OTUD6B: variants seen among roughly 807,000 people sequenced by gnomAD.
The protein encoded by OTUD6B is OTU deubiquitinase 6B, also known as deubiquitinase OTUD6B.
OTUD6B carries 41 observed loss-of-function variants against 36.9 expected under a neutral mutation model. The observed-to-expected ratio is 1.11, with a 90% confidence interval of 0.87 to 1.44. The LOEUF (loss-of-function observed/expected upper bound fraction) is 1.44, where lower values mean the gene tolerates loss of function less well. Ranked by LOEUF, OTUD6B falls within the 40% of genes most tolerant of loss-of-function variation. The pLI, the probability that OTUD6B is intolerant of heterozygous loss-of-function variation, is 0.00. For missense variants in OTUD6B, 356 were observed against 344.8 expected (o/e 1.03, Z -0.26); for synonymous variants, 114 against 114.2 (o/e 1.00, Z 0.01).
At chr8:91,072,298 G>A (rs1262415691) in intron 2 of OTUD6B, among the ~76,000 whole-genome samples, 1 of 152,142 alleles carries the variant, frequency 6.6e-6, no homozygotes, top group African/African-American at 2.4e-5. Context: ...TCCAGGAGTC[G>A]TAACAGCTGT....
chr8:91,076,862 ATTAC>A (rs1812811797), intron 3 of OTUD6B: 2 of 647,906 alleles, frequency 3.1e-6, no homozygotes, highest in East Asian at 2.8e-5. Flanking sequence ...ATTTGTTCCT[ATTAC>A]TTATACAAAC....
intron 5 of OTUD6B, among the ~76,000 whole-genome samples, chr8:91,080,949 A>T (rs1812894166): frequency 6.6e-6 from 1 of 152,146 alleles, no homozygotes; most frequent in Admixed American, 6.6e-5. Context: ...ATTACATTTT[A>T]AATAGCTCAG....
chr8:91,080,701 A>G lies in OTUD6B; in HGVS notation c.661A>G (p.Asn221Asp). The change falls in exon 5 of 7, where the codon AAC (asparagine) becomes GAC (aspartate). Residue 221 changes from asparagine to aspartate, a missense_variant. Transcript: ENST00000404789. ...TCAGAAGTACTGTGAAGATATTGTA[A>G]ACACAGCTGCATGGGGAGGTCAGCT... ...EFQKYCEDIVNTAAWGGQLEL... is the reference protein window; with the variant it reads ...EFQKYCEDIVDTAAWGGQLEL... 6.2e-7 allele frequency: 1 copy of G among 1,604,504 alleles called. No individual in the cohort carries two copies. Among genetic ancestry groups the G allele is most frequent in the Non-Finnish European group, 8.5e-7 (1 of 1,174,846 alleles).
At chr8:91,084,225 A>T in intron 6 of OTUD6B, 111 bp downstream of exon 6, 1 of 641,984 alleles carries the variant, frequency 1.6e-6, no homozygotes, top group East Asian at 2.9e-5. Context: ...AATTTTTTAA[A>T]CCTCTAGCGA....
chr8:91,079,343 T>C (rs1812857639), intron 4 of OTUD6B: 1 of 152,076 alleles, frequency 6.6e-6, no homozygotes, highest in Non-Finnish European at 1.5e-5. Flanking sequence ...ACAAGTCATA[T>C]GGCCAGAATG....
chr8:91,079,033 C>G, intron 4 of OTUD6B: 1 of 157,928 alleles, frequency 6.3e-6, no homozygotes. Flanking sequence ...GAGAGAATGA[C>G]TAGGAAAACC....
intron 3 of OTUD6B, chr8:91,076,682 G>T: frequency 7.1e-7 from 1 of 1,399,282 alleles, no homozygotes; most frequent in Non-Finnish European, 9.8e-7. Context: ...TCTGCGTGCT[G>T]TTTCCTCAGA....
Position 91,084,900 on chromosome 8 carries a change from A to G in OTUD6B, c.*32A>G, listed in dbSNP as rs755666617. On this transcript the variant is annotated 3_prime_UTR_variant, in exon 7 of 7. Coordinates refer to ENST00000404789, the MANE Select transcript of OTUD6B (RefSeq NM_016023.5). ...CAATGTTGTACAATTATGTTTTAAT[A>G]CAGTGTGCTGAACTGAGTATTTCTA... 3 of 1,146,786 alleles carry G rather than the reference A, an allele frequency of 2.6e-6. No homozygotes were observed. In the South Asian group the frequency reaches 4.4e-5, roughly 17 times the overall value. The allele number at this position is 1,146,786 out of a possible 1,614,324, so 71.0% of individuals were successfully genotyped here.
rs1434624492 is a variant in OTUD6B, at chr8:91,073,923, A to G, written c.315+12A>G. On this transcript the variant is annotated intron_variant, in intron 3 of 6. Transcript: ENST00000404789. Reference sequence around the variant, plus strand: ...CACAAAAGAGACGGGTATGAAAGTCATGTCACCAAGTATATAAGTTAGTGC... The same window carrying G: ...CACAAAAGAGACGGGTATGAAAGTCGTGTCACCAAGTATATAAGTTAGTGC... 2 of 1,566,280 alleles carry G rather than the reference A, an allele frequency of 1.3e-6. No individual in the cohort carries two copies. Among genetic ancestry groups the G allele is most frequent in the Non-Finnish European group, 1.7e-6 (2 of 1,149,264 alleles).
intron 5 of OTUD6B, among the ~76,000 whole-genome samples, chr8:91,081,944 A>G (rs754156503): frequency 6.6e-6 from 1 of 152,206 alleles, no homozygotes. Context: ...GATCATTCAT[A>G]TGAGTATTAG....
In OTUD6B at chr8:91,081,194, A is replaced by G. The variant is rs150741186; in HGVS notation, c.690+464A>G. The stretch of plus-strand genomic sequence containing the variant: ...TAGGCCAAATCCTACCACAACATAT[A>G]TATTAAAATCGTATTTTGAATTCCT... On this transcript the variant is annotated intron_variant, in intron 5 of 6. Coordinates refer to ENST00000404789, the MANE Select transcript of OTUD6B (RefSeq NM_016023.5). Among the ~76,000 whole-genome samples, 1,357 of 151,850 alleles carry G rather than the reference A, an allele frequency of 8.9e-3. 45 individuals are homozygous for G. The highest frequency in any genetic ancestry group is 0.02 in the Middle Eastern group (6 of 294).
At chr8:91,071,364 C>CTT (rs5893159) in intron 2 of OTUD6B, 75 bp downstream of exon 2, 1,076 of 817,260 alleles carry the variant, frequency 1.3e-3, no homozygotes, top group Non-Finnish European at 1.5e-3. Context: ...TGTTAAACTG[C>CTT]TTTTTTTTTT....
intron 5 of OTUD6B, 124 bp from the exon 6 acceptor site, chr8:91,083,884 C>A: frequency 8.7e-7 from 1 of 1,155,970 alleles, no homozygotes; most frequent in Non-Finnish European, 1.2e-6. Flanking sequence ...CCAGTATATA[C>A]CAGGCTCTCT....
At position 91,073,907 on chromosome 8, in the gene OTUD6B, G is replaced by A. The variant is rs1812752776; in HGVS notation, c.311G>A (p.Arg104Lys). ...CCTCGGATATCAAAAGCACAAAAGA[G>A]ACGGGTATGAAAGTCATGTCACCAA... ...QPPRISKAQK[R>K]REKKAALEKE... Residue 104 changes from arginine (R) to lysine (K), a missense_variant, in exon 3 of 7, where the codon AGA (arginine) becomes AAA (lysine). Transcript: ENST00000404789. 6.3e-7 allele frequency: 1 copy of A among 1,585,830 alleles called. No individual in the cohort carries two copies. The highest frequency in any genetic ancestry group is 1.3e-5 in the African/African-American group (1 of 74,494).
rs142251184 is a variant in OTUD6B at position 91,077,029 on chromosome 8, T to G, written c.316-1327T>G. Reference sequence around the variant, plus strand: ...ATTGAAACTTGCCTTCCCATTCACTTTTGTTCCAAGGAGAAATCAGAGCTA... The same window carrying G: ...ATTGAAACTTGCCTTCCCATTCACTGTTGTTCCAAGGAGAAATCAGAGCTA... On this transcript the variant is annotated intron_variant, in intron 3 of 6. Transcript: ENST00000404789. 5.4e-4 allele frequency among the ~76,000 whole-genome samples: 82 copies of G among 152,214 alleles called. 2 individuals carry two copies. The East Asian group carries it at 0.015, about 29-fold the overall frequency.
intron 5 of OTUD6B, among the ~76,000 whole-genome samples, chr8:91,082,146 C>T (rs887701965): frequency 3.3e-5 from 5 of 151,948 alleles, no homozygotes; most frequent in East Asian, 3.9e-4. Flanking sequence ...GAGTTTGGTT[C>T]GCATCCTCTA....
At chr8:91,073,536 G>T (rs548451873) in intron 2 of OTUD6B, among the ~76,000 whole-genome samples, 347 of 152,254 alleles carry the variant, frequency 2.3e-3, no homozygotes, top group African/African-American at 7.8e-3. Context: ...GAGAAAAGAA[G>T]AGTGGAGTGC....
In OTUD6B at chr8:91,084,905, G is replaced by A. The variant is rs1441352359; in HGVS notation, c.*37G>A. On this transcript the variant is annotated 3_prime_UTR_variant, in exon 7 of 7. Transcript: ENST00000404789. ...TTGTACAATTATGTTTTAATACAGT[G>A]TGCTGAACTGAGTATTTCTACCAAG... 7 of 1,019,246 alleles carry A rather than the reference G, an allele frequency of 6.9e-6. No homozygotes were observed. Among genetic ancestry groups the A allele is most frequent in the Non-Finnish European group, 8.6e-6 (6 of 697,992 alleles). 63.1% of individuals were successfully genotyped at this position (1,019,246 alleles called of 1,614,324 possible).
rs761870386 is a variant in OTUD6B, at chr8:91,073,885, C to G, written c.289C>G (p.Arg97Gly). 2.5e-6 allele frequency: 4 copies of G among 1,592,908 alleles called. No individual in the cohort carries two copies. Among genetic ancestry groups the G allele is most frequent in the Non-Finnish European group, 3.4e-6 (4 of 1,168,150 alleles). The change falls in exon 3 of 7, where the codon CGG becomes GGG. Residue 97 changes from arginine to glycine, a missense_variant. Coordinates refer to ENST00000404789, the MANE Select transcript of OTUD6B (RefSeq NM_016023.5). ...CTTGGTGCTTGAGAATCAGCCACCT[C>G]GGATATCAAAAGCACAAAAGAGACG... is the stretch of plus-strand genomic sequence containing the variant. ...SNLVLENQPP[R>G]ISKAQKRREK...
Sources: allele counts gnomAD v4.1 joint callset (sites outside exome capture counted in the v4.1 genomes callset), GRCh38; gene constraint gnomAD v4.1.1; transcripts MANE v1.5; gene names NCBI Gene and HGNC (gene_info 2026-07-23, HGNC 2026-07-21).